RORB: variants seen among roughly 807,000 people sequenced by gnomAD.
RORB encodes the protein nuclear receptor ROR-beta.
RORB carries 6 observed loss-of-function variants against 59.1 expected under a neutral mutation model. The ratio of observed to expected loss-of-function variants is 0.10; its 90% confidence interval spans 0.06 to 0.20. The LOEUF is 0.20. Ranked by LOEUF, RORB falls within the 10% of genes least tolerant of loss-of-function variation. The pLI is 1.00. For missense variants in RORB, 320 were observed against 560.5 expected, an observed-to-expected ratio of 0.57 and a Z score of 4.33; for synonymous variants, 215 against 204.5, an observed-to-expected ratio of 1.05 and a Z score of -0.44.
At chr9:74,579,308 A>G (rs1822684631) in intron 1 of RORB, among the ~76,000 whole-genome samples, 1 of 152,188 alleles carries the variant, frequency 6.6e-6, no homozygotes, top group Non-Finnish European at 1.5e-5. Flanking sequence ...TTAATTAATT[A>G]AACACATTAA....
chr9:74,634,554 T>C (rs1823672060), intron 2 of RORB, 77 bp from the exon 3 acceptor site: 3 of 1,328,072 alleles, frequency 2.3e-6, no homozygotes, highest in South Asian at 3.2e-5. Context: ...GCAGAAAATG[T>C]AGCAAATGTA....
At chr9:74,648,281 G>A (rs189187354) in intron 4 of RORB, among the ~76,000 whole-genome samples, 18 of 152,270 alleles carry the variant, frequency 1.2e-4, no homozygotes, top group Non-Finnish European at 7.4e-5. Context: ...AGGCAATTTA[G>A]GGAAAGTACA....
intron 1 of RORB, among the ~76,000 whole-genome samples, chr9:74,515,387 C>T (rs772553118): frequency 1.3e-5 from 2 of 151,718 alleles, no homozygotes; most frequent in East Asian, 1.9e-4. Context: ...TGAGTCTGTG[C>T]GATGTTTCCT....
intron 1 of RORB, among the ~76,000 whole-genome samples, chr9:74,609,587 A>G (rs1823203620): frequency 6.6e-6 from 1 of 152,234 alleles, no homozygotes; most frequent in Non-Finnish European, 1.5e-5. Context: ...TATTTACTGA[A>G]TATTTACCAT....
intron 4 of RORB, among the ~76,000 whole-genome samples, chr9:74,646,318 T>C (rs1280078422): frequency 1.3e-5 from 2 of 152,070 alleles, no homozygotes; most frequent in Non-Finnish European, 2.9e-5. Flanking sequence ...TCTCATGAGT[T>C]TGAAATTTTT....
intron 4 of RORB, among the ~76,000 whole-genome samples, chr9:74,653,084 G>A (rs1359806565): frequency 6.6e-6 from 1 of 152,108 alleles, no homozygotes; most frequent in Admixed American, 6.6e-5. Flanking sequence ...GACTTGTTCT[G>A]TCTAATGACA....
chr9:74,499,399 C>T (rs1256485512), intron 1 of RORB, among the ~76,000 whole-genome samples: 1 of 152,218 alleles, frequency 6.6e-6, no homozygotes, highest in East Asian at 1.9e-4. Context: ...GAGCCCCGAG[C>T]CTGGACTCAA....
intron 1 of RORB, among the ~76,000 whole-genome samples, chr9:74,624,593 C>T (rs889644087): frequency 6.6e-6 from 1 of 152,204 alleles, no homozygotes; most frequent in African/African-American, 2.4e-5. Context: ...AACTGGTTCC[C>T]AGAGATACCT....
chr9:74,606,099 C>A (rs1233142126), intron 1 of RORB, among the ~76,000 whole-genome samples: 1 of 152,178 alleles, frequency 6.6e-6, no homozygotes, highest in Non-Finnish European at 1.5e-5. Flanking sequence ...ACACCTACCA[C>A]CCAGAGTTGT....
At chr9:74,513,995 A>C (rs1045684737) in intron 1 of RORB, among the ~76,000 whole-genome samples, 7 of 152,070 alleles carry the variant, frequency 4.6e-5, no homozygotes, top group African/African-American at 1.7e-4. Context: ...CCGTATTAAC[A>C]TGGTATCCTT....
intron 1 of RORB, among the ~76,000 whole-genome samples, chr9:74,607,752 C>T (rs1028334725): frequency 7.9e-5 from 12 of 152,064 alleles, no homozygotes; most frequent in African/African-American, 2.2e-4. Flanking sequence ...TAGAGCCTTA[C>T]GACTTGGGAA....
chr9:74,556,644 T>C (rs545886102), intron 1 of RORB, among the ~76,000 whole-genome samples: 1 of 152,284 alleles, frequency 6.6e-6, no homozygotes, highest in East Asian at 1.9e-4. Flanking sequence ...TCATAGCAAT[T>C]GGCTGATCTG....
At chr9:74,651,368 C>T (rs1453886968) in intron 4 of RORB, among the ~76,000 whole-genome samples, 1 of 152,038 alleles carries the variant, frequency 6.6e-6, no homozygotes, top group Non-Finnish European at 1.5e-5. Flanking sequence ...AACCCTGTCT[C>T]CACTAAAAAT....
chr9:74,588,851 T>G (rs1471311340), intron 1 of RORB, among the ~76,000 whole-genome samples: 1 of 152,146 alleles, frequency 6.6e-6, no homozygotes, highest in Non-Finnish European at 1.5e-5. Context: ...AACAGTTGTA[T>G]ATTTTTCTCT....
chr9:74,503,513 A>G (rs568813312), intron 1 of RORB, among the ~76,000 whole-genome samples: 1 of 152,214 alleles, frequency 6.6e-6, no homozygotes, highest in South Asian at 2.1e-4. Flanking sequence ...TTCAAAGGGA[A>G]GATATGAATA....
chr9:74,592,039 A>G (rs935696317), intron 1 of RORB, among the ~76,000 whole-genome samples: 1 of 152,104 alleles, frequency 6.6e-6, no homozygotes, highest in Non-Finnish European at 1.5e-5. Context: ...TGGTTTCGCA[A>G]AATAGGAAGT....
intron 1 of RORB, among the ~76,000 whole-genome samples, chr9:74,569,705 G>T (rs1822521941): frequency 6.6e-6 from 1 of 151,930 alleles, no homozygotes; most frequent in African/African-American, 2.4e-5. Context: ...TTGAAATTTG[G>T]TTTAAAATTT....
intron 1 of RORB, among the ~76,000 whole-genome samples, chr9:74,577,061 T>A (rs556912378): frequency 1.2e-4 from 19 of 152,140 alleles, no homozygotes; most frequent in Non-Finnish European, 2.8e-4. Context: ...CAAGAAAGAC[T>A]GCATGTGTGT....
chr9:74,499,610 G>C (rs1825779080), intron 1 of RORB, among the ~76,000 whole-genome samples: 1 of 152,190 alleles, frequency 6.6e-6, no homozygotes, highest in Non-Finnish European at 1.5e-5. Flanking sequence ...CCGGTTGGGG[G>C]TTGGTTACAC....
Sources: gnomAD v4.1 joint callset for allele counts (sites outside exome capture counted in the v4.1 genomes callset) on GRCh38, gnomAD v4.1.1 for gene constraint, MANE v1.5 for transcripts, NCBI Gene and HGNC (gene_info 2026-07-23, HGNC 2026-07-21) for gene names.